The following EYA3 variants were observed in gnomAD, a reference collection of about 807,000 sequenced individuals.
The protein encoded by EYA3 is protein phosphatase EYA3.
EYA3 carries 39 observed loss-of-function variants against 80.0 expected under a neutral mutation model. The ratio of observed to expected loss-of-function variants is 0.49; its 90% confidence interval spans 0.38 to 0.64. The LOEUF is 0.64. EYA3 is among the 30% of genes least tolerant of loss of function. The probability of loss-of-function intolerance (pLI) is 0.00; values close to 1 mark genes in which losing one functional copy is unlikely to be tolerated. For synonymous variants in EYA3, 206 were observed against 232.8 expected (o/e 0.88, Z 1.05); for missense variants, 523 against 676.1 (o/e 0.77, Z 2.51).
intron 10 of EYA3, among the ~76,000 whole-genome samples, chr1:28,007,107 A>T (rs1335179773): frequency 6.7e-6 from 1 of 150,166 alleles, no homozygotes; most frequent in Non-Finnish European, 1.5e-5. Flanking sequence ...GGTCCGGCTA[A>T]TTTTTTTTTA....
At chr1:28,025,488 T>G (rs1200053926) in intron 7 of EYA3, among the ~76,000 whole-genome samples, 7 of 152,218 alleles carry the variant, frequency 4.6e-5, no homozygotes, top group Non-Finnish European at 1.0e-4. Context: ...TGACTATGGA[T>G]AAGCTACTTA....
chr1:28,080,202 T>G (rs1011187205), intron 1 of EYA3, among the ~76,000 whole-genome samples: 6 of 152,008 alleles, frequency 3.9e-5, no homozygotes, highest in Non-Finnish European at 5.9e-5. Flanking sequence ...TCCAGCACTT[T>G]GGGAGGCTGA....
chr1:27,993,278 T>A, intron 14 of EYA3, 122 bp downstream of exon 14: 1 of 1,071,300 alleles, frequency 9.3e-7, no homozygotes, highest in Non-Finnish European at 1.4e-6. Context: ...AATACAGAGT[T>A]TAACATATAA....
chr1:28,062,927 A>G (rs1557633225), intron 1 of EYA3, among the ~76,000 whole-genome samples: 1 of 151,496 alleles, frequency 6.6e-6, no homozygotes, highest in Non-Finnish European at 1.5e-5. Flanking sequence ...GCTTAAACTC[A>G]GAAGGCGGAG....
In EYA3 at chr1:28,068,198, G is replaced by C. The variant is rs150053864; in HGVS notation, c.-68-10104C>G. Among the ~76,000 whole-genome samples the C allele has an allele frequency of 2.6e-3, 397 of 152,054 alleles. 1 individual carries two copies. Among genetic ancestry groups the C allele is most frequent in the African/African-American group, 8.8e-3 (364 of 41,476 alleles). On this transcript the variant is annotated intron_variant, in intron 1 of 17. Transcript: ENST00000373871. The stretch of plus-strand genomic sequence containing the variant: ...TAAAAATAAAAAAAATTAGCGTGGT[G>C]GTAGGCACCTGTAATCCCAGCTACT...
chr1:28,033,535 A>C (rs1643266643), intron 6 of EYA3, among the ~76,000 whole-genome samples: 1 of 152,028 alleles, frequency 6.6e-6, no homozygotes, highest in Non-Finnish European at 1.5e-5. Flanking sequence ...CAGATTATTA[A>C]AGGAGCCTAT....
chr1:28,039,828 G>A (rs1021486991), intron 4 of EYA3, among the ~76,000 whole-genome samples: 1 of 152,122 alleles, frequency 6.6e-6, no homozygotes, highest in Non-Finnish European at 1.5e-5. Flanking sequence ...ATAATTATTG[G>A]AGATCACATT....
At chr1:27,987,270 A>G (rs1557529382) in intron 16 of EYA3, among the ~76,000 whole-genome samples, 1 of 152,216 alleles carries the variant, frequency 6.6e-6, no homozygotes, top group East Asian at 1.9e-4. Flanking sequence ...AGGTTCAGCC[A>G]TGATGTAGCC....
chr1:28,076,712 CTAAGAA>C (rs1293997245), intron 1 of EYA3, among the ~76,000 whole-genome samples: 2 of 142,334 alleles, frequency 1.4e-5, no homozygotes, highest in Admixed American at 7.0e-5. Context: ...AAATGTCTCT[CTAAGAA>C]TAATTGCTTT....
intron 11 of EYA3, among the ~76,000 whole-genome samples, chr1:28,003,472 AAAAC>A (rs111781878): frequency 8.7e-4 from 133 of 152,162 alleles, no homozygotes; most frequent in Middle Eastern, 3.4e-3. Context: ...TCTCTCTCAA[AAAAC>A]AAACAAACAA....
chr1:28,078,569 A>G (rs1645307422), intron 1 of EYA3, among the ~76,000 whole-genome samples: 1 of 152,036 alleles, frequency 6.6e-6, no homozygotes, highest in South Asian at 2.1e-4. Context: ...TTTAATTGAG[A>G]CAGTCTCGCT....
At chr1:28,045,524 C>T (rs564776535) in intron 3 of EYA3, among the ~76,000 whole-genome samples, 3 of 152,254 alleles carry the variant, frequency 2.0e-5, no homozygotes, top group African/African-American at 7.2e-5. Context: ...CCAGTATCCA[C>T]TGGACCAGTT....
At chr1:28,068,189 T>A (rs1644899828) in intron 1 of EYA3, among the ~76,000 whole-genome samples, 2 of 151,748 alleles carry the variant, frequency 1.3e-5, no homozygotes, top group Non-Finnish European at 2.9e-5. Context: ...TAAAAAAAAT[T>A]AGCGTGGTGG....
chr1:28,065,266 A>G (rs897064781), intron 1 of EYA3, among the ~76,000 whole-genome samples: 1 of 152,124 alleles, frequency 6.6e-6, no homozygotes, highest in Admixed American at 6.6e-5. Flanking sequence ...ATTAGTTCTT[A>G]CCATAGATTT....
Position 28,002,838 on chromosome 1 carries a change from T to C in EYA3, c.993+1498A>G, listed in dbSNP as rs72656579. ...GGAGAAAAAAAAAACACAAACCTCC[T>C]GGCCAAGCACAGTGGCTCACACCTG... On this transcript the variant is annotated intron_variant, in intron 11 of 17. Coordinates refer to ENST00000373871, the MANE Select transcript of EYA3 (RefSeq NM_001990.4). 9.2e-3 allele frequency among the ~76,000 whole-genome samples: 1,395 copies of C among 151,430 alleles called. 10 individuals carry two copies. Among genetic ancestry groups the C allele is most frequent in the African/African-American group, 0.017 (696 of 41,304 alleles).
chr1:28,028,956 A>G (rs1295786666), intron 6 of EYA3, among the ~76,000 whole-genome samples: 1 of 152,110 alleles, frequency 6.6e-6, no homozygotes, highest in East Asian at 1.9e-4. Flanking sequence ...CCTGGCCTCA[A>G]GCAATCCTCC....
intron 3 of EYA3, among the ~76,000 whole-genome samples, chr1:28,045,405 T>C (rs1378260948): frequency 6.6e-6 from 1 of 152,204 alleles, no homozygotes; most frequent in Non-Finnish European, 1.5e-5. Context: ...CATCAATAAC[T>C]AGTTTGACTT....
At chr1:28,075,859 C>A (rs1302789166) in intron 1 of EYA3, among the ~76,000 whole-genome samples, 1 of 152,104 alleles carries the variant, frequency 6.6e-6, no homozygotes, top group East Asian at 1.9e-4. Flanking sequence ...TTCAGAAATC[C>A]ATTAAAGTCT....
At chr1:28,079,623 A>G (rs1297974111) in intron 1 of EYA3, among the ~76,000 whole-genome samples, 1 of 152,196 alleles carries the variant, frequency 6.6e-6, no homozygotes, top group East Asian at 1.9e-4. Context: ...TTCCAAAATA[A>G]GTTTTTAAAA....
Sources: allele counts gnomAD v4.1 joint callset (sites outside exome capture counted in the v4.1 genomes callset), GRCh38; gene constraint gnomAD v4.1.1; transcripts MANE v1.5; gene names NCBI Gene and HGNC (gene_info 2026-07-23, HGNC 2026-07-21).